The following SMYD3 variants were observed in gnomAD, a reference collection of about 807,000 sequenced individuals.
SMYD3 encodes histone-lysine N-methyltransferase SMYD3.
A neutral mutation model predicts 57.7 loss-of-function variants in SMYD3; 36 were observed. The observed-to-expected ratio is 0.62, with a 90% confidence interval of 0.48 to 0.82. The LOEUF (loss-of-function observed/expected upper bound fraction) is 0.82. Ranked by LOEUF, SMYD3 falls within the 40% of genes least tolerant of loss-of-function variation. SMYD3 has a pLI of 0.00. For synonymous variants in SMYD3, 211 were observed against 195.0 expected (o/e 1.08, Z -0.68); for missense variants, 515 against 538.8 (o/e 0.96, Z 0.44).
chr1:246,057,744 C>G (rs775211627), intron 5 of SMYD3, among the ~76,000 whole-genome samples: 5 of 152,134 alleles, frequency 3.3e-5, no homozygotes, highest in Non-Finnish European at 5.9e-5. Flanking sequence ...AAATCTTACT[C>G]CTTGTTATTT....
At position 246,327,334 on chromosome 1, in the gene SMYD3, A is replaced by G. The variant is rs781572915; in HGVS notation, c.398T>C (p.Ile133Thr). The G allele has an allele frequency of 1.2e-6, 2 of 1,607,382 alleles. No homozygotes were observed. Among genetic ancestry groups the G allele is most frequent in the Non-Finnish European group, 1.7e-6 (2 of 1,178,152 alleles). The change falls in exon 5 of 12, where the codon ATT becomes ACT. Residue 133 changes from isoleucine (I) to threonine (T), a missense_variant. By Grantham distance (89) the Ile-to-Thr change is moderately conservative. Transcript: ENST00000490107. ...LYSFYDLESN[I>T]NKLTEDKKEG... ...TTTCTTATCTTCAGTCAGTTTGTTA[A>G]TATCTTTTTTAAAGAGAAAATAAAT...
In SMYD3 at chr1:246,037,642, T is replaced by C. The variant is rs1424258318; in HGVS notation, c.532-107705A>G. Among the ~76,000 whole-genome samples the C allele has an allele frequency of 3.3e-5, 5 of 152,236 alleles. 1 individual carries two copies. Among genetic ancestry groups the C allele is most frequent in the African/African-American group, 1.2e-4 (5 of 41,462 alleles). On this transcript the variant is annotated intron_variant, in intron 5 of 11. Transcript: ENST00000490107. ...CTGCCTTCAATCCCAGGGATAGTAA[T>C]AGCTTCCCACATTTGCAGGTCTCCG...
chr1:245,942,556 T>C (rs77874766), intron 5 of SMYD3, among the ~76,000 whole-genome samples: 3,017 of 152,202 alleles, frequency 0.02, 90 homozygotes, highest in African/African-American at 0.069. Flanking sequence ...CTGCCAACAT[T>C]AGACAGATCA....
intron 1 of SMYD3, among the ~76,000 whole-genome samples, chr1:246,474,242 G>A (rs992774788): frequency 3.9e-5 from 6 of 152,156 alleles, no homozygotes; most frequent in South Asian, 2.1e-4. Flanking sequence ...GAAGTGGGCC[G>A]GGCGCGGTGG....
intron 5 of SMYD3, among the ~76,000 whole-genome samples, chr1:246,105,193 G>A (rs1010696029): frequency 9.9e-5 from 15 of 152,090 alleles, no homozygotes; most frequent in Non-Finnish European, 1.3e-4. Flanking sequence ...ATGAAGGACT[G>A]GGGTTCTGGC....
intron 5 of SMYD3, among the ~76,000 whole-genome samples, chr1:246,165,460 TAA>T (rs1454091834): frequency 6.6e-6 from 1 of 152,096 alleles, no homozygotes; most frequent in Non-Finnish European, 1.5e-5. Flanking sequence ...CATCAAATAA[TAA>T]AAGAGTGAGC....
chr1:245,862,131 C>A (rs12038379), intron 9 of SMYD3, among the ~76,000 whole-genome samples: 2 of 152,046 alleles, frequency 1.3e-5, no homozygotes, highest in Non-Finnish European at 2.9e-5. Context: ...TCATCATAGA[C>A]AGCGTTTCAA....
rs1435630532 is a variant in SMYD3, at chr1:246,292,389, T to TCTTAGACTTACTATCCA, written c.531+34811_531+34812insTGGATAGTAAGTCTAAG. Among the ~76,000 whole-genome samples, 410 of 119,426 alleles carry TCTTAGACTTACTATCCA rather than the reference T, an allele frequency of 3.4e-3. 27 individuals carry two copies. The highest frequency in any genetic ancestry group is 5.9e-3 in the Non-Finnish European group (312 of 53,288). The allele number at this position is 119,426 out of a possible 152,430, so 78.3% of individuals were successfully genotyped here. On this transcript the variant is annotated intron_variant, in intron 5 of 11. Coordinates refer to ENST00000490107, the MANE Select transcript of SMYD3 (RefSeq NM_001167740.2). ...CACCAGCATCTTAGACTTACTATCC[T>TCTTAGACTTACTATCCA]ACACACCAGCATCTTAGACTTACTA...
At chr1:245,875,932 A>G (rs1305303761) in intron 8 of SMYD3, among the ~76,000 whole-genome samples, 1 of 152,248 alleles carries the variant, frequency 6.6e-6, no homozygotes, top group East Asian at 1.9e-4. Context: ...TCTGTGCAAG[A>G]ACAAGGGGTA....
intron 1 of SMYD3, among the ~76,000 whole-genome samples, chr1:246,394,530 A>C (rs1455044858): frequency 6.6e-6 from 1 of 152,266 alleles, no homozygotes; most frequent in Non-Finnish European, 1.5e-5. Flanking sequence ...ACTGGAACAC[A>C]GGCTTTTGAC....
intron 8 of SMYD3, among the ~76,000 whole-genome samples, chr1:245,871,943 T>C (rs1423357839): frequency 6.6e-6 from 1 of 152,154 alleles, no homozygotes; most frequent in Non-Finnish European, 1.5e-5. Flanking sequence ...CAACCAACTA[T>C]GCTGTGACCC....
intron 1 of SMYD3, among the ~76,000 whole-genome samples, chr1:246,392,432 A>C (rs941142080): frequency 1.3e-5 from 2 of 152,174 alleles, no homozygotes; most frequent in Non-Finnish European, 1.5e-5. Context: ...TTCAATCCTC[A>C]TAATAACTCC....
chr1:246,032,513 G>A (rs892388172), intron 5 of SMYD3, among the ~76,000 whole-genome samples: 1 of 152,164 alleles, frequency 6.6e-6, no homozygotes, highest in African/African-American at 2.4e-5. Context: ...GCTCATATCC[G>A]AGTCCTGGCT....
intron 8 of SMYD3, among the ~76,000 whole-genome samples, chr1:245,875,542 G>C (rs1558447332): frequency 6.6e-6 from 1 of 152,174 alleles, no homozygotes; most frequent in Non-Finnish European, 1.5e-5. Context: ...CAGCAGTATA[G>C]GTATCATCTT....
At chr1:246,094,759 C>T (rs756224823) in intron 5 of SMYD3, among the ~76,000 whole-genome samples, 8 of 152,296 alleles carry the variant, frequency 5.3e-5, no homozygotes, top group Admixed American at 1.3e-4. Flanking sequence ...CATTTCTTCA[C>T]GGCTAATGTC....
chr1:245,814,334 G>GT, intron 10 of SMYD3: 1 of 978,002 alleles, frequency 1.0e-6, no homozygotes, highest in Non-Finnish European at 1.2e-6. Context: ...GAAAATTAAG[G>GT]TAGATACCTG....
intron 1 of SMYD3, among the ~76,000 whole-genome samples, chr1:246,378,847 A>ATTATATATAAT (rs2066337413): frequency 1.7e-5 from 2 of 116,548 alleles, no homozygotes; most frequent in Non-Finnish European, 3.3e-5. Flanking sequence ...ATTATATATA[A>ATTATATATAAT]TATATTTATA....
Position 246,138,677 on chromosome 1 carries a change from G to A in SMYD3, c.531+188524C>T, listed in dbSNP as rs368537721. Among the ~76,000 whole-genome samples the A allele has an allele frequency of 9.9e-4, 104 of 105,362 alleles. 3 individuals carry two copies. In the South Asian group the frequency reaches 0.024, roughly 25 times the overall value. The allele number at this position is 105,362 out of a possible 152,430, so 69.1% of individuals were successfully genotyped here. On this transcript the variant is annotated intron_variant, in intron 5 of 11. Coordinates refer to ENST00000490107, the MANE Select transcript of SMYD3 (RefSeq NM_001167740.2). The stretch of plus-strand genomic sequence containing the variant: ...CCTGACCTCGTGATCCGCCCGCCTC[G>A]GCCTCCCAAAGTGCTGGGATTACAG...
At chr1:245,999,940 GCT>G (rs2059008578) in intron 5 of SMYD3, among the ~76,000 whole-genome samples, 1 of 152,190 alleles carries the variant, frequency 6.6e-6, no homozygotes, top group African/African-American at 2.4e-5. Flanking sequence ...CAGGGAACAT[GCT>G]GGCTAGTTCA....
Sources: gnomAD v4.1 joint callset for allele counts (sites outside exome capture counted in the v4.1 genomes callset) on GRCh38, gnomAD v4.1.1 for gene constraint, MANE v1.5 for transcripts, NCBI Gene and HGNC (gene_info 2026-07-23, HGNC 2026-07-21) for gene names.